The following PDS5B variants were observed in gnomAD, a reference collection of about 807,000 sequenced individuals.
PDS5B encodes the protein PDS5 cohesin associated factor B.
A neutral mutation model predicts 184.1 loss-of-function variants in PDS5B; 51 were observed. The observed-to-expected ratio is 0.28, with a 90% CI of 0.22 to 0.35. PDS5B has a LOEUF of 0.35. Ranked by LOEUF, PDS5B falls within the 10% of genes least tolerant of loss-of-function variation. The pLI, the probability that PDS5B is intolerant of heterozygous loss-of-function variation, is 1.00. For synonymous variants in PDS5B, 566 were observed against 569.2 expected (o/e 0.99, Z 0.08); for missense variants, 1,180 against 1,723.3 (o/e 0.68, Z 5.58).
In PDS5B at chr13:32,722,804, G is replaced by A. The variant is rs181028689; in HGVS notation, c.2124-9297G>A. Among the ~76,000 whole-genome samples, 4 of 152,340 alleles carry A rather than the reference G, an allele frequency of 2.6e-5. No homozygotes were observed. The South Asian group carries it at 6.2e-4, about 24-fold the overall frequency. On this transcript the variant is annotated intron_variant, in intron 19 of 34. Coordinates refer to ENST00000315596, the MANE Select transcript of PDS5B (RefSeq NM_015032.4). ...TAATGTTAAGAGGTGGAGGAGCCCTGTCAGTATCACCCAACAGACTGCCAA... is the reference window on the plus strand; with the variant it reads ...TAATGTTAAGAGGTGGAGGAGCCCTATCAGTATCACCCAACAGACTGCCAA...
intron 21 of PDS5B, among the ~76,000 whole-genome samples, chr13:32,736,190 A>T (rs1394655097): frequency 6.6e-6 from 1 of 151,966 alleles, no homozygotes; most frequent in Non-Finnish European, 1.5e-5. Flanking sequence ...CTGTTATTTT[A>T]TGCAGTTAAT....
intron 1 of PDS5B, among the ~76,000 whole-genome samples, chr13:32,619,631 A>C (rs1227986935): frequency 6.6e-6 from 1 of 152,164 alleles, no homozygotes; most frequent in African/African-American, 2.4e-5. Flanking sequence ...TCAAAAAATA[A>C]AGTATGATAT....
intron 1 of PDS5B, among the ~76,000 whole-genome samples, chr13:32,624,245 GTTTCTT>G (rs2058341559): frequency 6.6e-6 from 1 of 151,872 alleles, no homozygotes; most frequent in Non-Finnish European, 1.5e-5. Context: ...CATGTTTAGA[GTTTCTT>G]TTTCTTTATT....
chr13:32,719,371 C>T (rs889603004), intron 19 of PDS5B, among the ~76,000 whole-genome samples: 1 of 152,008 alleles, frequency 6.6e-6, no homozygotes, highest in Non-Finnish European at 1.5e-5. Context: ...TTTGTAGAGA[C>T]AGGGTTTTGC....
intron 19 of PDS5B, among the ~76,000 whole-genome samples, chr13:32,728,231 C>A (rs1218105956): frequency 6.6e-6 from 1 of 151,900 alleles, no homozygotes; most frequent in African/African-American, 2.4e-5. Flanking sequence ...GTCTATGTAG[C>A]ATAGTGTTTT....
chr13:32,737,039 A>G (rs920504592), intron 21 of PDS5B, among the ~76,000 whole-genome samples: 1 of 152,180 alleles, frequency 6.6e-6, no homozygotes. Context: ...TGAAGTTTGT[A>G]TCTGTTAGGC....
intron 25 of PDS5B, 30 bp from the exon 26 acceptor site, chr13:32,755,812 T>G (rs190227640): frequency 1.9e-4 from 208 of 1,076,308 alleles, no homozygotes; most frequent in Middle Eastern, 8.5e-4. Context: ...TTTTGTTTTT[T>G]TTTGTTTGTT....
intron 3 of PDS5B, 31 bp from the exon 4 acceptor site, chr13:32,658,208 C>A: frequency 2.0e-6 from 2 of 1,019,520 alleles, no homozygotes; most frequent in South Asian, 1.4e-5. Flanking sequence ...CGTTCATAAT[C>A]TAAATGGCAC....
At chr13:32,751,540 A>G (rs1411568316) in intron 24 of PDS5B, among the ~76,000 whole-genome samples, 2 of 152,164 alleles carry the variant, frequency 1.3e-5, no homozygotes, top group Non-Finnish European at 2.9e-5. Flanking sequence ...TGGCTTTCTA[A>G]TAATGGCCGT....
At chr13:32,605,710 C>G (rs1021714058) in intron 1 of PDS5B, among the ~76,000 whole-genome samples, 3 of 152,144 alleles carry the variant, frequency 2.0e-5, no homozygotes, top group Non-Finnish European at 4.4e-5. Context: ...GTCTAAGTCT[C>G]TTTGTAGGTG....
chr13:32,685,328 G>C (rs1013872897), intron 11 of PDS5B, among the ~76,000 whole-genome samples: 2 of 152,176 alleles, frequency 1.3e-5, no homozygotes, highest in African/African-American at 4.8e-5. Context: ...GGGCCAAAAG[G>C]CATGAAGAGG....
At chr13:32,760,509 G>A in intron 29 of PDS5B, 66 bp from the exon 30 acceptor site, 1 of 1,468,942 alleles carries the variant, frequency 6.8e-7, no homozygotes, top group Non-Finnish European at 9.4e-7. Context: ...GTTATTTATG[G>A]TTCTTTACAC....
chr13:32,699,999 A>G (rs1483385735), intron 16 of PDS5B, 130 bp downstream of exon 16: 4 of 802,968 alleles, frequency 5.0e-6, no homozygotes, highest in Non-Finnish European at 5.5e-6. Flanking sequence ...CAGATAAACT[A>G]TAATTTCTCT....
At chr13:32,749,100 C>T (rs545638812) in intron 24 of PDS5B, among the ~76,000 whole-genome samples, 1 of 152,204 alleles carries the variant, frequency 6.6e-6, no homozygotes, top group Admixed American at 6.5e-5. Flanking sequence ...TTGAGCCCCT[C>T]TAATATTTTA....
intron 28 of PDS5B, among the ~76,000 whole-genome samples, chr13:32,758,982 G>T (rs949999868): frequency 6.6e-6 from 1 of 152,044 alleles, no homozygotes; most frequent in Non-Finnish European, 1.5e-5. Context: ...GCCCTTTATT[G>T]GGATTTATAA....
At chr13:32,606,076 T>TA (rs2058056118) in intron 1 of PDS5B, among the ~76,000 whole-genome samples, 1 of 152,208 alleles carries the variant, frequency 6.6e-6, no homozygotes, top group South Asian at 2.1e-4. Context: ...CATTTGAGGT[T>TA]AATATTGTTA....
chr13:32,716,949 A>G (rs1421047086), intron 19 of PDS5B, among the ~76,000 whole-genome samples: 5 of 63,562 alleles, frequency 7.9e-5, no homozygotes, highest in Admixed American at 3.0e-4. Flanking sequence ...CCGGCCAGCC[A>G]CCCCGTCCGG....
At chr13:32,718,010 G>T (rs1307878057) in intron 19 of PDS5B, among the ~76,000 whole-genome samples, 1 of 150,938 alleles carries the variant, frequency 6.6e-6, no homozygotes, top group Non-Finnish European at 1.5e-5. Flanking sequence ...AATATATTAT[G>T]GCCAAACATG....
intron 20 of PDS5B, among the ~76,000 whole-genome samples, chr13:32,733,768 C>G (rs565127917): frequency 3.9e-5 from 6 of 152,106 alleles, no homozygotes; most frequent in Non-Finnish European, 7.3e-5. Context: ...TTCCCCCACC[C>G]ATGTATCCCC....
Sources: gnomAD v4.1 joint callset for allele counts (sites outside exome capture counted in the v4.1 genomes callset) on GRCh38, gnomAD v4.1.1 for gene constraint, MANE v1.5 for transcripts, NCBI Gene and HGNC (gene_info 2026-07-23, HGNC 2026-07-21) for gene names.